The following PRKD1 variants were observed in gnomAD, a reference collection of about 807,000 sequenced individuals.
PRKD1 encodes serine/threonine-protein kinase D1.
PRKD1 carries 63 observed loss-of-function variants against 95.9 expected under a neutral mutation model. The observed-to-expected ratio is 0.66, with a 90% confidence interval of 0.54 to 0.81. The LOEUF (loss-of-function observed/expected upper bound fraction) is 0.81. Among genes scored for constraint, PRKD1 ranks in the 30% least tolerant of loss-of-function variants. The pLI is 0.00. For missense variants in PRKD1, 1,048 were observed against 1,165.3 expected, an observed-to-expected ratio of 0.90 and a Z score of 1.47; for synonymous variants, 425 against 423.1, an observed-to-expected ratio of 1.00 and a Z score of -0.05.
chr14:29,724,947 C>G (rs1468155008), intron 2 of PRKD1, among the ~76,000 whole-genome samples: 1 of 152,114 alleles, frequency 6.6e-6, no homozygotes, highest in African/African-American at 2.4e-5. Flanking sequence ...AGTCCTATTA[C>G]TAACTGCTAA....
intron 1 of PRKD1, among the ~76,000 whole-genome samples, chr14:29,767,410 A>G (rs1888303417): frequency 6.6e-6 from 1 of 152,198 alleles, no homozygotes; most frequent in Non-Finnish European, 1.5e-5. Context: ...GCTTATAAAT[A>G]GTGTCAGTTG....
Position 29,738,140 on chromosome 14 carries a change from A to T in PRKD1, c.265-12466T>A, listed in dbSNP as rs144856876. On this transcript the variant is annotated intron_variant, in intron 1 of 17. Coordinates refer to ENST00000331968, the MANE Select transcript of PRKD1 (RefSeq NM_002742.3). ...GTATTATTTGGAGACATATTTCTGA[A>T]ATTTCTTCAAGTTTGGGTACAGGCT... Among the ~76,000 whole-genome samples, 3 of 152,278 alleles carry T rather than the reference A, an allele frequency of 2.0e-5. No individual in the cohort carries two copies. The East Asian group carries it at 5.8e-4, about 29-fold the overall frequency.
chr14:29,885,799 T>C (rs1893681596), intron 1 of PRKD1, among the ~76,000 whole-genome samples: 1 of 70,080 alleles, frequency 1.4e-5, no homozygotes, highest in Non-Finnish European at 3.1e-5. Flanking sequence ...AAACCCCATC[T>C]TTACTAAAAA....
intron 1 of PRKD1, among the ~76,000 whole-genome samples, chr14:29,785,787 C>A (rs2139180258): frequency 6.7e-6 from 1 of 150,272 alleles, no homozygotes; most frequent in South Asian, 2.1e-4. Flanking sequence ...CTAACCTTCA[C>A]ATTGTGCACA....
At chr14:29,622,604 T>C (rs1414658265) in intron 13 of PRKD1, among the ~76,000 whole-genome samples, 1 of 152,076 alleles carries the variant, frequency 6.6e-6, no homozygotes, top group African/African-American at 2.4e-5. Flanking sequence ...GGTTTCACCA[T>C]GATGGCCAGG....
intron 2 of PRKD1, among the ~76,000 whole-genome samples, chr14:29,678,677 C>A (rs936919677): frequency 6.6e-6 from 1 of 152,044 alleles, no homozygotes. Flanking sequence ...AGAGGACATT[C>A]CAATAACTTT....
In PRKD1 at chr14:29,883,088, G is replaced by A. The variant is rs543498116; in HGVS notation, c.264+44161C>T. On this transcript the variant is annotated intron_variant, in intron 1 of 17. Coordinates refer to ENST00000331968, the MANE Select transcript of PRKD1 (RefSeq NM_002742.3). ...GCCTCAGGGACCTTTTACTCATGGT[G>A]GAAGGTGAGGCAGGAGCAGGCATGC... Among the ~76,000 whole-genome samples, 14 of 152,280 alleles carry A rather than the reference G, an allele frequency of 9.2e-5. No homozygotes were observed. In the South Asian group the frequency reaches 2.9e-3, roughly 32 times the overall value.
At chr14:29,848,851 T>C (rs1474246655) in intron 1 of PRKD1, among the ~76,000 whole-genome samples, 2 of 152,102 alleles carry the variant, frequency 1.3e-5, no homozygotes, top group African/African-American at 2.4e-5. Flanking sequence ...TAAAATAATA[T>C]ATGGCAAAGG....
intron 1 of PRKD1, among the ~76,000 whole-genome samples, chr14:29,831,124 T>C (rs1356031292): frequency 1.3e-5 from 2 of 152,248 alleles, no homozygotes; most frequent in Non-Finnish European, 2.9e-5. Context: ...ATATGATACT[T>C]GCCAGGCACA....
chr14:29,728,419 T>G (rs1886272448), intron 1 of PRKD1, among the ~76,000 whole-genome samples: 1 of 152,196 alleles, frequency 6.6e-6, no homozygotes, highest in Non-Finnish European at 1.5e-5. Flanking sequence ...AAAAGTTTTA[T>G]TGCAATCTAT....
At chr14:29,798,422 T>C (rs1889901779) in intron 1 of PRKD1, among the ~76,000 whole-genome samples, 2 of 152,154 alleles carry the variant, frequency 1.3e-5, no homozygotes, top group African/African-American at 4.8e-5. Context: ...ATATAATGTG[T>C]CTAAAAATCT....
intron 1 of PRKD1, among the ~76,000 whole-genome samples, chr14:29,844,485 TA>T (rs1331871686): frequency 2.0e-5 from 3 of 152,168 alleles, no homozygotes; most frequent in Non-Finnish European, 4.4e-5. Flanking sequence ...TAAAAATGTT[TA>T]AAAATAATTT....
chr14:29,586,413 T>C (rs1171143194), intron 16 of PRKD1, among the ~76,000 whole-genome samples: 3 of 152,212 alleles, frequency 2.0e-5, no homozygotes, highest in South Asian at 2.1e-4. Flanking sequence ...TGAAACTATG[T>C]CCTCTATTTA....
chr14:29,594,918 T>G (rs1001100662), intron 16 of PRKD1, among the ~76,000 whole-genome samples: 4 of 152,162 alleles, frequency 2.6e-5, no homozygotes, highest in Non-Finnish European at 4.4e-5. Flanking sequence ...CCTTAACTGA[T>G]ATCATGATGT....
chr14:29,826,676 T>TATATATACAC (rs1566622279), intron 1 of PRKD1, among the ~76,000 whole-genome samples: 2 of 71,846 alleles, frequency 2.8e-5, no homozygotes, highest in African/African-American at 9.3e-5. Context: ...TATATGTGTA[T>TATATATACAC]ATATATATAC....
chr14:29,846,402 G>A (rs1362418702), intron 1 of PRKD1, among the ~76,000 whole-genome samples: 7 of 152,172 alleles, frequency 4.6e-5, no homozygotes, highest in Non-Finnish European at 7.3e-5. Flanking sequence ...CTGACTGAGG[G>A]AGAGAGGTTA....
At chr14:29,847,409 T>G (rs544120894) in intron 1 of PRKD1, among the ~76,000 whole-genome samples, 1 of 152,200 alleles carries the variant, frequency 6.6e-6, no homozygotes, top group African/African-American at 2.4e-5. Flanking sequence ...GGTAGCAACC[T>G]CCAATAGTGA....
chr14:29,707,431 A>C (rs551534908), intron 2 of PRKD1, among the ~76,000 whole-genome samples: 1 of 152,190 alleles, frequency 6.6e-6, no homozygotes, highest in Non-Finnish European at 1.5e-5. Context: ...TTGTCCATTT[A>C]ATTTATATGT....
intron 13 of PRKD1, among the ~76,000 whole-genome samples, chr14:29,609,581 G>A (rs1323609823): frequency 6.6e-6 from 1 of 150,844 alleles, no homozygotes; most frequent in Non-Finnish European, 1.5e-5. Context: ...TGCTCTGTCA[G>A]CCAGGCTGGA....
Sources: gnomAD v4.1 joint callset for allele counts (sites outside exome capture counted in the v4.1 genomes callset) on GRCh38, gnomAD v4.1.1 for gene constraint, MANE v1.5 for transcripts, NCBI Gene and HGNC (gene_info 2026-07-23, HGNC 2026-07-21) for gene names.